The following IFT22 variants were observed in gnomAD, a reference collection of about 807,000 sequenced individuals.
IFT22 encodes the protein intraflagellar transport protein 22 homolog.
IFT22 carries 13 observed loss-of-function variants against 21.0 expected under a neutral mutation model. The ratio of observed to expected loss-of-function variants is 0.62; its 90% confidence interval spans 0.40 to 0.98. IFT22 has a LOEUF of 0.98. Ranked by LOEUF, IFT22 falls within the 50% of genes least tolerant of loss-of-function variation. The pLI is 0.00. For synonymous variants in IFT22, 67 were observed against 82.4 expected (o/e 0.81, Z 1.01); for missense variants, 227 against 228.9 (o/e 0.99, Z 0.06).
chr7:101,316,569 G>A, intron 3 of IFT22, 27 bp from the exon 4 acceptor site: 1 of 1,607,924 alleles, frequency 6.2e-7, no homozygotes, highest in Non-Finnish European at 8.5e-7. Flanking sequence ...GAACAACAGG[G>A]AAAGTTAGGT....
chr7:101,317,872 G>T (rs962616857), intron 3 of IFT22, among the ~76,000 whole-genome samples: 3 of 152,150 alleles, frequency 2.0e-5, no homozygotes, highest in African/African-American at 7.2e-5. Flanking sequence ...CCAGGTTCAA[G>T]CAGTTCTCCT....
At chr7:101,321,298 T>C (rs957850109) in intron 1 of IFT22, 11 of 254,082 alleles carry the variant, frequency 4.3e-5, no homozygotes, top group South Asian at 1.2e-4. Context: ...CACTCCAGCC[T>C]GGACGACACA....
At position 101,311,604 on chromosome 7, in the gene IFT22, T is replaced by C. The variant is rs914415413; in HGVS notation, c.*3530A>G. Among the ~76,000 whole-genome samples the C allele has an allele frequency of 3.9e-5, 6 of 152,222 alleles. No homozygotes were observed. Among genetic ancestry groups the C allele is most frequent in the African/African-American group, 1.4e-4 (6 of 41,460 alleles). ...TTTTTATTCATCTCCCTTAGGTGCC[T>C]CAACTTTTTCTCCCACTCTCAGCTG... On this transcript the variant is annotated 3_prime_UTR_variant, in exon 5 of 5. Coordinates refer to ENST00000315322, the MANE Select transcript of IFT22 (RefSeq NM_022777.4).
At chr7:101,319,125 G>T in intron 1 of IFT22, 93 bp from the exon 2 acceptor site, 2 of 1,233,314 alleles carry the variant, frequency 1.6e-6, no homozygotes, top group Non-Finnish European at 2.4e-6. Flanking sequence ...ACCCGGTGTG[G>T]TGCAGTATAG....
At position 101,316,524 on chromosome 7, in the gene IFT22, C is replaced by T; in HGVS notation, c.225G>A (p.Pro75=). 5 of 1,614,068 alleles carry T rather than the reference C, an allele frequency of 3.1e-6. No individual in the cohort carries two copies. The highest frequency in any genetic ancestry group is 1.6e-4 in the Middle Eastern group (1 of 6,062). The change falls in exon 4 of 5, where the codon CCG becomes CCA. Residue 75 remains proline, a synonymous_variant. Coordinates refer to ENST00000315322, the MANE Select transcript of IFT22 (RefSeq NM_022777.4). The part of the protein sequence containing the change: ...GGDAKFESCW[P]ALMKDAHGVV... ...CTCCATGAGCATCCTTCATCAGGGC[C>T]GGCCAGCAGGACTCAAACCTGCGAG...
In IFT22 at chr7:101,314,446, C is replaced by G. The variant is rs1425510191; in HGVS notation, c.*688G>C. On this transcript the variant is annotated 3_prime_UTR_variant, in exon 5 of 5. Transcript: ENST00000315322. Reference sequence around the variant, plus strand: ...CTGGGATTACAAGTGTGAGCCACCACGCCCCGCCTAGAACTCTTATAGAGA... The same window carrying G: ...CTGGGATTACAAGTGTGAGCCACCAGGCCCCGCCTAGAACTCTTATAGAGA... The G allele has an allele frequency of 1.3e-5, 2 of 152,258 alleles. No individual in the cohort carries two copies. The highest frequency in any genetic ancestry group is 2.9e-5 in the Non-Finnish European group (2 of 68,110). The allele number at this position is 152,258 out of a possible 1,614,324, so 9.4% of individuals were successfully genotyped here.
In IFT22 at chr7:101,316,438, G is replaced by T; in HGVS notation, c.311C>A (p.Ser104Tyr). Residue 104 changes from serine (S) to tyrosine (Y), a missense_variant, in exon 4 of 5, where the codon TCC (serine) becomes TAC (tyrosine). Physicochemically the swap from Ser to Tyr is moderately radical, Grantham distance 144 (BLOSUM62 -2). Transcript: ENST00000315322. ...TAAGGACGGCTGTTGGACAAAGCAG[G>T]AATACCACATCTCCATTTCCTTCCG... ...SHRKEMEMWY[S>Y]CFVQQPSLQD... The T allele has an allele frequency of 1.2e-6, 2 of 1,614,124 alleles. No individual in the cohort carries two copies. Among genetic ancestry groups the T allele is most frequent in the Non-Finnish European group, 1.7e-6 (2 of 1,180,030 alleles).
rs766430401 is a variant in IFT22 at position 101,321,746 on chromosome 7, G to A, written c.-37C>T. 1.3e-5 allele frequency: 21 copies of A among 1,571,718 alleles called. No individual in the cohort carries two copies. Among genetic ancestry groups the A allele is most frequent in the Admixed American group, 1.9e-5 (1 of 53,328 alleles). On this transcript the variant is annotated 5_prime_UTR_variant, in exon 1 of 5. Transcript: ENST00000315322. ...GCGGCTTAGCCGGCCGGAGCCCACG[G>A]GAGGCGGCGCGTCAGGACGGAGCTC...
intron 1 of IFT22, among the ~76,000 whole-genome samples, chr7:101,321,206 C>G (rs1790336654): frequency 6.6e-6 from 1 of 151,614 alleles, no homozygotes; most frequent in Non-Finnish European, 1.5e-5. Context: ...GCCTGTAGTC[C>G]CAGGTACTCA....
At chr7:101,317,712 T>TTTTTG (rs1199029800) in intron 3 of IFT22, among the ~76,000 whole-genome samples, 1 of 151,860 alleles carries the variant, frequency 6.6e-6, no homozygotes, top group East Asian at 1.9e-4. Context: ...GCAGCTGATT[T>TTTTTG]TTTTGTTTTG....
At chr7:101,316,611 G>A in intron 3 of IFT22, 69 bp from the exon 4 acceptor site, 2 of 1,500,172 alleles carry the variant, frequency 1.3e-6, no homozygotes, top group South Asian at 2.3e-5. Flanking sequence ...ACTTTAAAAA[G>A]AATATCTTAG....
chr7:101,315,330 G>A, intron 4 of IFT22, 48 bp from the exon 5 acceptor site: 1 of 1,583,898 alleles, frequency 6.3e-7, no homozygotes, highest in Non-Finnish European at 8.7e-7. Context: ...TCCATGAAGG[G>A]CCCTTTATAG....
rs1178821313 is a variant in IFT22 at position 101,315,039 on chromosome 7, GAGA to G, written c.*92_*94del. ...GGAACACTTCCTCTGCAGTCAGAGG[GAGA>G]AGAAAACATCAGGAGCTGGATGTGA... On this transcript the variant is annotated 3_prime_UTR_variant, in exon 5 of 5. Coordinates refer to ENST00000315322, the MANE Select transcript of IFT22 (RefSeq NM_022777.4). The G allele has an allele frequency of 7.3e-7, 1 of 1,369,714 alleles. No homozygotes were observed. The highest frequency in any genetic ancestry group is 1.0e-6 in the Non-Finnish European group (1 of 1,001,522). The allele number at this position is 1,369,714 out of a possible 1,614,324, so 84.8% of individuals were successfully genotyped here.
At chr7:101,320,044 C>G (rs1006309771) in intron 1 of IFT22, among the ~76,000 whole-genome samples, 1 of 151,756 alleles carries the variant, frequency 6.6e-6, no homozygotes, top group Admixed American at 6.6e-5. Context: ...GCAACCTCTG[C>G]CTCCCGGATT....
rs1433973343 is a variant in IFT22 at position 101,312,985 on chromosome 7, T to A, written c.*2149A>T. The stretch of plus-strand genomic sequence containing the variant: ...GGTAGCTGGGATTACAGGCACGTGC[T>A]ACCACGCCCAGCTAATTTTTGTATT... On this transcript the variant is annotated 3_prime_UTR_variant, in exon 5 of 5. Transcript: ENST00000315322. Among the ~76,000 whole-genome samples, 1 of 150,920 alleles carries A rather than the reference T, an allele frequency of 6.6e-6. No individual in the cohort carries two copies. Among genetic ancestry groups the A allele is most frequent in the Non-Finnish European group, 1.5e-5 (1 of 67,778 alleles).
chr7:101,316,462 C>T lies in IFT22; in HGVS notation c.287G>A (p.Arg96Gln), dbSNP rs190539623. Residue 96 changes from arginine (R) to glutamine (Q), a missense_variant, in exon 4 of 5, where the codon CGG becomes CAG. Coordinates refer to ENST00000315322, the MANE Select transcript of IFT22 (RefSeq NM_022777.4). ...GGAATACCACATCTCCATTTCCTTC[C>T]GGTGGCTTGGGATGTCAGCATTGAA... Reference protein sequence around the residue: ...IVFNADIPSHRKEMEMWYSCF... With the variant: ...IVFNADIPSHQKEMEMWYSCF... The T allele has an allele frequency of 5.7e-5, 92 of 1,614,082 alleles. No homozygotes were observed. Among genetic ancestry groups the T allele is most frequent in the South Asian group, 5.5e-4 (50 of 91,072 alleles).
intron 3 of IFT22, among the ~76,000 whole-genome samples, chr7:101,317,913 C>T (rs1790209915): frequency 1.3e-5 from 2 of 152,078 alleles, no homozygotes; most frequent in South Asian, 4.1e-4. Context: ...ATTACATGTG[C>T]CTGCCACCAA....
intron 3 of IFT22, among the ~76,000 whole-genome samples, 157 bp from the exon 4 acceptor site, chr7:101,316,699 C>CA (rs1790166326): frequency 6.6e-6 from 1 of 152,062 alleles, no homozygotes; most frequent in South Asian, 2.1e-4. Flanking sequence ...CCGAGGCGGG[C>CA]GATCACGAGG....
At chr7:101,320,432 T>C (rs1790302718) in intron 1 of IFT22, among the ~76,000 whole-genome samples, 1 of 151,828 alleles carries the variant, frequency 6.6e-6, no homozygotes, top group Admixed American at 6.6e-5. Context: ...GCTAATTTTT[T>C]GTATTTTTAG....
Sources: gnomAD v4.1 joint callset for allele counts (sites outside exome capture counted in the v4.1 genomes callset) on GRCh38, gnomAD v4.1.1 for gene constraint, MANE v1.5 for transcripts, NCBI Gene and HGNC (gene_info 2026-07-23, HGNC 2026-07-21) for gene names.